ZNF780A: variants seen among roughly 807,000 people sequenced by gnomAD.
The protein encoded by ZNF780A is zinc finger protein 780A.
Under a neutral mutation model 56.7 loss-of-function variants are expected in ZNF780A, and 40 were observed. The observed-to-expected ratio is 0.71, with a 90% CI of 0.55 to 0.92. The LOEUF is 0.92. ZNF780A is among the 40% of genes least tolerant of loss of function. The probability of loss-of-function intolerance (pLI) is 0.00; values close to 1 mark genes in which losing one functional copy is unlikely to be tolerated. For missense variants in ZNF780A, 672 were observed against 783.3 expected, an observed-to-expected ratio of 0.86 and a Z score of 1.70; for synonymous variants, 231 against 248.3, an observed-to-expected ratio of 0.93 and a Z score of 0.66.
chr19:40,076,691 TG>T (rs754074593), intron 5 of ZNF780A, among the ~76,000 whole-genome samples: 1 of 152,088 alleles, frequency 6.6e-6, no homozygotes, highest in African/African-American at 2.4e-5. Context: ...CACGTACAAC[TG>T]GGGGGCCTAA....
At chr19:40,082,635 G>A (rs1351360631) in intron 4 of ZNF780A, among the ~76,000 whole-genome samples, 1 of 152,062 alleles carries the variant, frequency 6.6e-6, no homozygotes, top group Non-Finnish European at 1.5e-5. Flanking sequence ...TATTGCCCAG[G>A]CTGGAGTGCA....
In ZNF780A at chr19:40,073,935, C is replaced by G. The variant is rs427461; in HGVS notation, c.*581G>C. 0.18 allele frequency: 180,446 copies of G among 1,029,552 alleles called. 25,448 individuals are homozygous for G. The highest frequency in any genetic ancestry group is 0.71 in the African/African-American group (41,284 of 58,216). The allele number at this position is 1,029,552 out of a possible 1,614,324, so 63.8% of individuals were successfully genotyped here. ...CTTTCCCATATTCCTTACATTATAG[C>G]GTTTCTCACCAGTATGAATTTTAAC... On this transcript the variant is annotated 3_prime_UTR_variant, in exon 6 of 6. Transcript: ENST00000683561.
chr19:40,089,331 T>A (rs911993480), intron 2 of ZNF780A: 7 of 1,333,728 alleles, frequency 5.2e-6, no homozygotes, highest in Non-Finnish European at 6.8e-6. Context: ...AGAATTTCTG[T>A]CCTAGATCAT....
At chr19:40,086,391 G>T (rs60449727) in intron 2 of ZNF780A, among the ~76,000 whole-genome samples, 14,134 of 152,112 alleles carry the variant, frequency 0.093, 1,176 homozygotes, top group African/African-American at 0.21. Context: ...CAACAAAAGA[G>T]GTTAAAGTGA....
intron 2 of ZNF780A, among the ~76,000 whole-genome samples, chr19:40,089,897 C>T (rs1008890780): frequency 2.6e-5 from 4 of 152,192 alleles, no homozygotes; most frequent in African/African-American, 9.7e-5. Context: ...CACCTAAACA[C>T]TAATCTCCTC....
In ZNF780A at chr19:40,075,308, G is replaced by T; in HGVS notation, c.1134C>A (p.Arg378=). Residue 378 remains arginine, a synonymous_variant, in exon 6 of 6, where the codon CGC becomes CGA. Coordinates refer to ENST00000683561, the MANE Select transcript of ZNF780A (RefSeq NM_001142578.2). ...TTTCACCTGTGTGAATGTTCTTATG[G>T]CGATTAAGCTGGTTGAGAAGACTAA... is the stretch of plus-strand genomic sequence containing the variant. ...KAFSLLNQLN[R]HKNIHTGEKP... is the part of the protein sequence containing the mutation. 6.2e-7 allele frequency: 1 copy of T among 1,612,646 alleles called. No individual in the cohort carries two copies. The highest frequency in any genetic ancestry group is 2.2e-5 in the East Asian group (1 of 44,706).
chr19:40,081,961 T>G (rs758061065), intron 4 of ZNF780A, 47 bp from the exon 5 acceptor site: 2 of 1,441,410 alleles, frequency 1.4e-6, no homozygotes, highest in Middle Eastern at 1.8e-4. Flanking sequence ...ATACAGATTT[T>G]TTTTTTTCAA....
At chr19:40,085,378 A>C in intron 2 of ZNF780A, 5 of 979,640 alleles carry the variant, frequency 5.1e-6, no homozygotes, top group Non-Finnish European at 6.1e-6. Flanking sequence ...TAGAATACAA[A>C]GTAAATATTA....
At position 40,073,574 on chromosome 19, in the gene ZNF780A, A is replaced by C. The variant is rs1973915659; in HGVS notation, c.*942T>G. The C allele has an allele frequency of 2.0e-6, 2 of 985,882 alleles. No individual in the cohort carries two copies. The highest frequency in any genetic ancestry group is 6.1e-5 in the Admixed American group (1 of 16,310). The allele number at this position is 985,882 out of a possible 1,614,324, so 61.1% of individuals were successfully genotyped here. On this transcript the variant is annotated 3_prime_UTR_variant, in exon 6 of 6. Coordinates refer to ENST00000683561, the MANE Select transcript of ZNF780A (RefSeq NM_001142578.2). ...TCATAGGGAGTACATTGTGAACATG[A>C]CAACTACCCTATATTCCTCATTCAA...
intron 4 of ZNF780A, among the ~76,000 whole-genome samples, chr19:40,082,680 C>T (rs571901806): frequency 6.6e-6 from 1 of 152,236 alleles, no homozygotes; most frequent in African/African-American, 2.4e-5. Context: ...CTCAACCTCC[C>T]AGTGATCATA....
In ZNF780A at chr19:40,075,496, A is replaced by G; in HGVS notation, c.946T>C (p.Tyr316His). 6.2e-7 allele frequency: 1 copy of G among 1,612,964 alleles called. No homozygotes were observed. The highest frequency in any genetic ancestry group is 8.5e-7 in the Non-Finnish European group (1 of 1,179,742). The change falls in exon 6 of 6, where the codon TAT becomes CAT. Residue 316 changes from tyrosine (Y) to histidine (H), a missense_variant. Physicochemically the swap from Tyr to His is moderately conservative, Grantham distance 83. Coordinates refer to ENST00000683561, the MANE Select transcript of ZNF780A (RefSeq NM_001142578.2). ...VCKECGMAFRYHYQLIEHCQI... is the reference protein window; with the variant it reads ...VCKECGMAFRHHYQLIEHCQI... ...CAATGTTCAATAAGTTGGTAATGAT[A>G]TCGAAAGGCCATCCCACATTCCTTA... is the stretch of plus-strand genomic sequence containing the variant.
chr19:40,087,707 C>A (rs989519738), intron 2 of ZNF780A, among the ~76,000 whole-genome samples: 4 of 152,176 alleles, frequency 2.6e-5, no homozygotes, highest in Middle Eastern at 6.8e-3. Flanking sequence ...CCAAAGCAAT[C>A]TTGAGCAAAA....
At position 40,074,376 on chromosome 19, in the gene ZNF780A, T is replaced by G. The variant is rs1211636145; in HGVS notation, c.*140A>C. 1.3e-6 allele frequency: 2 copies of G among 1,536,156 alleles called. No individual in the cohort carries two copies. Among genetic ancestry groups the G allele is most frequent in the Non-Finnish European group, 1.7e-6 (2 of 1,146,446 alleles). ...AAGAGTTTCTCACTGGAATGAATTT[T>G]CTGATGCTGAATAACGTTTGAACCA... On this transcript the variant is annotated 3_prime_UTR_variant, in exon 6 of 6. Transcript: ENST00000683561.
chr19:40,075,209 A>G lies in ZNF780A; in HGVS notation c.1233T>C (p.His411=). Residue 411 remains histidine, a synonymous_variant, in exon 6 of 6, where the codon CAT becomes CAC. Coordinates refer to ENST00000683561, the MANE Select transcript of ZNF780A (RefSeq NM_001142578.2). ...TACATTCATATGGTTTTATACCAGC[A>G]TGAATACTCTGATGTTGAACAAGGT... ...SSNLVQHQSI[H]AGIKPYECKE... 1 of 1,613,478 alleles carries G rather than the reference A, an allele frequency of 6.2e-7. No individual in the cohort carries two copies.
chr19:40,088,541 T>C (rs907653602), intron 2 of ZNF780A, among the ~76,000 whole-genome samples: 1 of 152,308 alleles, frequency 6.6e-6, no homozygotes, highest in South Asian at 2.1e-4. Flanking sequence ...GCTTACACAC[T>C]GTGGGTGAGA....
intron 5 of ZNF780A, among the ~76,000 whole-genome samples, chr19:40,080,253 TC>T (rs1974398505): frequency 6.6e-6 from 1 of 152,064 alleles, no homozygotes; most frequent in Non-Finnish European, 1.5e-5. Flanking sequence ...CTCAAACTAT[TC>T]CAAAAAATTT....
downstream of ZNF780A, chr19:40,072,897 C>T (rs1394025021): frequency 6.5e-6 from 10 of 1,549,694 alleles, no homozygotes; most frequent in Non-Finnish European, 1.7e-6. Context: ...AGAGAGATAA[C>T]CAAATGCAAT....
chr19:40,073,849 C>T lies in ZNF780A; in HGVS notation c.*667G>A. On this transcript the variant is annotated 3_prime_UTR_variant, in exon 6 of 6. Transcript: ENST00000683561. ...GGCTTGTCCACACTCCTTATTGTCACAAAATTTCTAACTATTCTGAATTTT... is the reference window on the plus strand; with the variant it reads ...GGCTTGTCCACACTCCTTATTGTCATAAAATTTCTAACTATTCTGAATTTT... 1 of 994,868 alleles carries T rather than the reference C, an allele frequency of 1.0e-6. No homozygotes were observed. The highest frequency in any genetic ancestry group is 1.2e-6 in the Non-Finnish European group (1 of 835,760). 61.6% of individuals were successfully genotyped at this position (994,868 alleles called of 1,614,324 possible).
At position 40,075,971 on chromosome 19, in the gene ZNF780A, A is replaced by T. The variant is rs1253731027; in HGVS notation, c.471T>A (p.Leu157=). ...CATACGGTTTATGTGTATTGCAAAT[A>T]AGAGAAGCATGAGGAGTATGAGTAG... ...KLPTHTPHAS[L]ICNTHKPYEC... Residue 157 remains leucine (L), a synonymous_variant, in exon 6 of 6, where the codon CTT becomes CTA. Coordinates refer to ENST00000683561, the MANE Select transcript of ZNF780A (RefSeq NM_001142578.2). 5 of 1,613,214 alleles carry T rather than the reference A, an allele frequency of 3.1e-6. No homozygotes were observed. Among genetic ancestry groups the T allele is most frequent in the Non-Finnish European group, 4.2e-6 (5 of 1,179,740 alleles).
Sources: gnomAD v4.1 joint callset for allele counts (sites outside exome capture counted in the v4.1 genomes callset) on GRCh38, gnomAD v4.1.1 for gene constraint, MANE v1.5 for transcripts, NCBI Gene and HGNC (gene_info 2026-07-23, HGNC 2026-07-21) for gene names.